GALNS: variants seen among roughly 807,000 people sequenced by gnomAD.
GALNS encodes the protein galactosamine (N-acetyl)-6-sulfatase, also known as N-acetylgalactosamine-6-sulfatase.
GALNS carries 65 observed loss-of-function variants against 65.9 expected under a neutral mutation model. The ratio of observed to expected loss-of-function variants is 0.99; its 90% CI spans 0.81 to 1.21. The LOEUF is 1.21. Among genes scored for constraint, GALNS ranks in the 50% most tolerant of loss-of-function variants. GALNS has a pLI of 0.00. For missense variants in GALNS, 776 were observed against 700.7 expected (o/e 1.11, Z -1.21); for synonymous variants, 346 against 288.9 (o/e 1.20, Z -2.00).
rs762690924 is a variant in GALNS, at chr16:88,826,715, G to T, written c.1126C>A (p.Arg376=). 9.9e-6 allele frequency: 16 copies of T among 1,612,536 alleles called. 1 individual carries two copies. In the South Asian group the frequency reaches 1.8e-4, roughly 18 times the overall value. ...LNLLPTLLQG[R]LMDRPIFYYR... ...TCTAGCACCAACCTGTCCATCAGCC[G>T]GCCCTGCAGGAGGGTGGGGAGGAGG... The change falls in exon 10 of 14, where the codon CGG becomes AGG. Residue 376 remains arginine (R), a synonymous_variant. Transcript: ENST00000268695.
chr16:88,835,491 C>T, intron 7 of GALNS, 139 bp from the exon 8 acceptor site: 5 of 1,302,820 alleles, frequency 3.8e-6, no homozygotes, highest in Non-Finnish European at 5.4e-6. Flanking sequence ...CGGCCTCTTC[C>T]CAGAAGAGGA....
In GALNS at chr16:88,813,916, C is replaced by T. The variant is rs181174683; in HGVS notation, c.*523G>A. The T allele has an allele frequency of 7.4e-4, 145 of 195,502 alleles. No homozygotes were observed. Among genetic ancestry groups the T allele is most frequent in the Admixed American group, 1.4e-3 (27 of 18,922 alleles). The allele number at this position is 195,502 out of a possible 1,614,324, so 12.1% of individuals were successfully genotyped here. A position where few individuals can be genotyped will look rare whatever the true frequency, so the allele number is the denominator to read the frequency against. On this transcript the variant is annotated 3_prime_UTR_variant, in exon 14 of 14. Transcript: ENST00000268695. ...CTGAGACAAACGCTTATATGATTGC[C>T]CCGTTCCCTTACTGTTTACATAAAA...
Position 88,837,883 on chromosome 16 carries a change from G to C in GALNS, c.423-118C>G. On this transcript the variant is annotated intron_variant, in intron 4 of 13. Transcript: ENST00000268695. ...GGTAAGACGAGCACCCTCCAGCACT[G>C]AGTATGGGCTATGCCTGGGCACGGC... 3.8e-6 allele frequency: 4 copies of C among 1,058,798 alleles called. No individual in the cohort carries two copies. In the South Asian group the frequency reaches 4.0e-5, roughly 11 times the overall value. 65.6% of individuals were successfully genotyped at this position (1,058,798 alleles called of 1,614,324 possible).
rs1005480435 is a variant in GALNS, at chr16:88,814,339, TG to T, written c.*99del. ...GTCTGCAGGTGCTGTCTGTCTGGCT[TG>T]GGCAGGGTTGGGGGAGGACCGAGGC... On this transcript the variant is annotated 3_prime_UTR_variant, in exon 14 of 14. Coordinates refer to ENST00000268695, the MANE Select transcript of GALNS (RefSeq NM_000512.5). 1 of 1,470,200 alleles carries T rather than the reference TG, an allele frequency of 6.8e-7. No homozygotes were observed. Among genetic ancestry groups the T allele is most frequent in the Non-Finnish European group, 9.3e-7 (1 of 1,076,522 alleles). The allele number at this position is 1,470,200 out of a possible 1,614,324, so 91.1% of individuals were successfully genotyped here. A position where few individuals can be genotyped will look rare whatever the true frequency, so the allele number is the denominator to read the frequency against.
chr16:88,842,884 C>T, intron 1 of GALNS, 55 bp from the exon 2 acceptor site: 1 of 1,601,858 alleles, frequency 6.2e-7, no homozygotes. Flanking sequence ...GTGCTTCTGG[C>T]CTGGGGAGCT....
intron 1 of GALNS, 91 bp from the exon 2 acceptor site, chr16:88,842,920 G>T: frequency 6.4e-7 from 1 of 1,560,978 alleles, no homozygotes; most frequent in Admixed American, 1.9e-5. Flanking sequence ...AGCGTGTCGG[G>T]GACCGTGGAA....
rs191806534 is a variant in GALNS, at chr16:88,847,579, C to T, written c.121-4750G>A. On this transcript the variant is annotated intron_variant, in intron 1 of 13. Transcript: ENST00000268695. ...TAAAGTTTCCACCATTTCAAATGAC[C>T]CCAAGACAGGCTGCATGGGCCCTGG... Among the ~76,000 whole-genome samples, 31 of 152,280 alleles carry T rather than the reference C, an allele frequency of 2.0e-4. 1 individual carries two copies. The highest frequency in any genetic ancestry group is 4.1e-4 in the Non-Finnish European group (28 of 68,020).
intron 13 of GALNS, chr16:88,816,212 G>A (rs529781268): frequency 3.0e-4 from 300 of 985,464 alleles, no homozygotes; most frequent in Admixed American, 2.1e-3. Context: ...CAGGCTGTGT[G>A]CGCCCACCTC....
In GALNS at chr16:88,825,724, T is replaced by C. The variant is rs575144224; in HGVS notation, c.1140-855A>G. ...AAGAGGATAAGCAGGCGGCACGGGG[T>C]CTCCTGACCATGTTGGGCCTGCGAG... On this transcript the variant is annotated intron_variant, in intron 10 of 13. Coordinates refer to ENST00000268695, the MANE Select transcript of GALNS (RefSeq NM_000512.5). Among the ~76,000 whole-genome samples the C allele has an allele frequency of 2.6e-5, 4 of 151,802 alleles. No individual in the cohort carries two copies. The East Asian group carries it at 7.8e-4, about 29-fold the overall frequency.
At chr16:88,830,990 T>C (rs552372953) in intron 9 of GALNS, among the ~76,000 whole-genome samples, 13 of 152,288 alleles carry the variant, frequency 8.5e-5, no homozygotes, top group African/African-American at 3.1e-4. Flanking sequence ...AAGGCACTGA[T>C]AAGTCCTGCA....
At chr16:88,824,282 C>T (rs375504183) in intron 11 of GALNS, among the ~76,000 whole-genome samples, 20 of 152,146 alleles carry the variant, frequency 1.3e-4, no homozygotes, top group African/African-American at 4.3e-4. Context: ...GAAAGCCTGG[C>T]GCTGACAATG....
intron 11 of GALNS, among the ~76,000 whole-genome samples, chr16:88,823,514 G>A (rs1048611235): frequency 6.8e-6 from 1 of 146,128 alleles, no homozygotes; most frequent in Non-Finnish European, 1.5e-5. Context: ...TGCCCAGGAC[G>A]GCCCTCGCAG....
intron 1 of GALNS, among the ~76,000 whole-genome samples, chr16:88,849,011 T>G (rs1055987704): frequency 4.6e-5 from 7 of 152,320 alleles, no homozygotes; most frequent in African/African-American, 1.7e-4. Flanking sequence ...TCCTAACGTG[T>G]GGAGTCCCAG....
In GALNS at chr16:88,837,388, C is replaced by A. The variant is rs3784884; in HGVS notation, c.566+234G>T. Among the ~76,000 whole-genome samples, 43,934 of 152,118 alleles carry A rather than the reference C, an allele frequency of 0.29. 6,752 individuals are homozygous for A. The highest frequency in any genetic ancestry group is 0.59 in the East Asian group (3,065 of 5,156). ...GGGCCTTCCTCTCTCAGGACAGCTACAGGGATCTACGACCCTGAAAAGGTG... is the reference window on the plus strand; with the variant it reads ...GGGCCTTCCTCTCTCAGGACAGCTAAAGGGATCTACGACCCTGAAAAGGTG... On this transcript the variant is annotated intron_variant, in intron 5 of 13. Coordinates refer to ENST00000268695, the MANE Select transcript of GALNS (RefSeq NM_000512.5).
chr16:88,829,981 C>G (rs1911322775), intron 9 of GALNS, among the ~76,000 whole-genome samples: 1 of 152,074 alleles, frequency 6.6e-6, no homozygotes, highest in African/African-American at 2.4e-5. Context: ...GCCTGTAATC[C>G]CAACACTTTC....
chr16:88,816,904 C>G, intron 13 of GALNS: 1 of 985,466 alleles, frequency 1.0e-6, no homozygotes. Flanking sequence ...GCAGCCACGC[C>G]CAGCCCGTGT....
intron 9 of GALNS, among the ~76,000 whole-genome samples, chr16:88,828,535 G>A (rs999374854): frequency 2.0e-5 from 3 of 152,252 alleles, no homozygotes; most frequent in Non-Finnish European, 2.9e-5. Flanking sequence ...CCGTCGTGGT[G>A]TCCTGGTGCA....
At chr16:88,848,317 C>T (rs1025493213) in intron 1 of GALNS, among the ~76,000 whole-genome samples, 4 of 152,204 alleles carry the variant, frequency 2.6e-5, no homozygotes, top group East Asian at 1.9e-4. Flanking sequence ...CAGCGAATTC[C>T]GTCTCAGTAA....
At position 88,817,348 on chromosome 16, in the gene GALNS, G is replaced by A. The variant is rs868640114; in HGVS notation, c.1482+659C>T. 70 of 985,458 alleles carry A rather than the reference G, an allele frequency of 7.1e-5. 1 individual carries two copies. In the Admixed American group the frequency reaches 8.0e-4, roughly 11 times the overall value. 61.0% of individuals were successfully genotyped at this position (985,458 alleles called of 1,614,324 possible). A position where few individuals can be genotyped will look rare whatever the true frequency, so the allele number is the denominator to read the frequency against. Reference sequence around the variant, plus strand: ...TGGCCGATGCTGGCGTGATGAGGCCGTTTCTCTACTGGAGGTGAACAAGGC... The same window carrying A: ...TGGCCGATGCTGGCGTGATGAGGCCATTTCTCTACTGGAGGTGAACAAGGC... On this transcript the variant is annotated intron_variant, in intron 13 of 13. Transcript: ENST00000268695.
Sources: allele counts gnomAD v4.1 joint callset (sites outside exome capture counted in the v4.1 genomes callset), GRCh38; gene constraint gnomAD v4.1.1; transcripts MANE v1.5; gene names NCBI Gene and HGNC (gene_info 2026-07-23, HGNC 2026-07-21).